The following TRIM51 variants were observed in gnomAD, a reference collection of about 807,000 sequenced individuals.
The protein encoded by TRIM51 is tripartite motif-containing protein 51.
TRIM51 carries 23 observed loss-of-function variants against 32.7 expected under a neutral mutation model. That is an observed-to-expected ratio of 0.70 (90% CI 0.51 to 1.00). The LOEUF (loss-of-function observed/expected upper bound fraction) is 1.00. TRIM51 is among the 50% of genes least tolerant of loss of function. TRIM51 has a pLI of 0.00. For synonymous variants in TRIM51, 177 were observed against 181.9 expected (o/e 0.97, Z 0.22); for missense variants, 592 against 539.2 (o/e 1.10, Z -0.97).
chr11:55,888,011 T>C (rs773142347), intron 3 of TRIM51, 21 bp from the exon 4 acceptor site: 1 of 1,494,762 alleles, frequency 6.7e-7, no homozygotes, highest in Non-Finnish European at 9.3e-7. Context: ...ACATTTCTAT[T>C]TTGACTAATT....
rs377428284 is a variant in TRIM51, at chr11:55,891,737, T to C, written c.*105T>C. 1 of 1,267,874 alleles carries C rather than the reference T, an allele frequency of 7.9e-7. No individual in the cohort carries two copies. Among genetic ancestry groups the C allele is most frequent in the South Asian group, 1.4e-5 (1 of 71,678 alleles). The allele number at this position is 1,267,874 out of a possible 1,614,324, so 78.5% of individuals were successfully genotyped here. A position where few individuals can be genotyped will look rare whatever the true frequency, so the allele number is the denominator to read the frequency against. On this transcript the variant is annotated 3_prime_UTR_variant, in exon 7 of 7. Coordinates refer to ENST00000449290, the MANE Select transcript of TRIM51 (RefSeq NM_032681.4). ...AACAGAACAAATAAGTTATATTTAA[T>C]GTCTTTAGTTGCATTCTAATGTCAT...
rs766486245 is a variant in TRIM51, at chr11:55,885,563, C to A, written c.135C>A (p.Asp45Glu). The A allele has an allele frequency of 9.9e-6, 16 of 1,611,852 alleles. No individual in the cohort carries two copies. The highest frequency in any genetic ancestry group is 6.8e-6 in the Non-Finnish European group (8 of 1,179,776). ...CCTGTTTGTACCTCAACTGGCAAGACACGGCAGTTCTTGCTCAGTGCTCTG... is the reference window on the plus strand; with the variant it reads ...CCTGTTTGTACCTCAACTGGCAAGAAACGGCAGTTCTTGCTCAGTGCTCTG... ...CRPCLYLNWQDTAVLAQCSEC... is the reference protein window; with the variant it reads ...CRPCLYLNWQETAVLAQCSEC... Residue 45 changes from aspartate (D) to glutamate (E), a missense_variant, in exon 2 of 7, where the codon GAC becomes GAA. Asp to Glu is a conservative substitution (Grantham distance 45). Coordinates refer to ENST00000449290, the MANE Select transcript of TRIM51 (RefSeq NM_032681.4).
Position 55,891,243 on chromosome 11 carries a change from A to G in TRIM51, c.970A>G (p.Lys324Glu), listed in dbSNP as rs769784902. 1 of 1,607,340 alleles carries G rather than the reference A, an allele frequency of 6.2e-7. No individual in the cohort carries two copies. The highest frequency in any genetic ancestry group is 8.5e-7 in the Non-Finnish European group (1 of 1,179,724). The change falls in exon 7 of 7, where the codon AAA becomes GAA. Residue 324 changes from lysine to glutamate, a missense_variant. Coordinates refer to ENST00000449290, the MANE Select transcript of TRIM51 (RefSeq NM_032681.4). ...DPQDDPDITG[K>E]SECFLVWGAQ... Reference sequence around the variant, plus strand: ...TCAAGATGATCCCGATATCACTGGAAAATCTGAATGTTTTCTTGTATGGGG... The same window carrying G: ...TCAAGATGATCCCGATATCACTGGAGAATCTGAATGTTTTCTTGTATGGGG...
intron 3 of TRIM51, 134 bp downstream of exon 3, chr11:55,886,352 A>C (rs1182782370): frequency 1.4e-6 from 1 of 715,420 alleles, no homozygotes; most frequent in Non-Finnish European, 2.4e-6. Flanking sequence ...TGAGAAAAAA[A>C]CACCCTAATT....
chr11:55,885,512 A>G lies in TRIM51; in HGVS notation c.84A>G (p.Ile28Met), dbSNP rs757602058. Reference sequence around the variant, plus strand: ...ACTACTTCCTAGACCCAGTCACCATAGACTGTGGGCACAGCTTTTGCCGGC... The same window carrying G: ...ACTACTTCCTAGACCCAGTCACCATGGACTGTGGGCACAGCTTTTGCCGGC... ...CMNYFLDPVT[I>M]DCGHSFCRPC... Residue 28 changes from isoleucine to methionine, a missense_variant, in exon 2 of 7, where the codon ATA becomes ATG. Ile to Met is a conservative substitution (Grantham distance 10). Coordinates refer to ENST00000449290, the MANE Select transcript of TRIM51 (RefSeq NM_032681.4). The G allele has an allele frequency of 7.7e-5, 124 of 1,611,946 alleles. 4 individuals carry two copies. The South Asian group carries it at 1.4e-3, about 18-fold the overall frequency.
intron 3 of TRIM51, among the ~76,000 whole-genome samples, chr11:55,887,709 A>G (rs1296799355): frequency 6.6e-6 from 1 of 152,168 alleles, no homozygotes; most frequent in Non-Finnish European, 1.5e-5. Flanking sequence ...ATGGTTTCTT[A>G]CCTAGTCAAT....
intron 6 of TRIM51, 67 bp downstream of exon 6, chr11:55,890,106 AT>A: frequency 9.2e-7 from 1 of 1,087,654 alleles, no homozygotes; most frequent in Non-Finnish European, 1.4e-6. Flanking sequence ...TGGGGGTAGT[AT>A]TTTACCCTTC....
At position 55,886,123 on chromosome 11, in the gene TRIM51, G is replaced by A. The variant is rs1289372542; in HGVS notation, c.412G>A (p.Glu138Lys). 2 of 1,612,888 alleles carry A rather than the reference G, an allele frequency of 1.2e-6. No homozygotes were observed. Among genetic ancestry groups the A allele is most frequent in the Non-Finnish European group, 1.7e-6 (2 of 1,179,362 alleles). ...PIEWAAEERR[E>K]ELLKKMQSLW... is the part of the protein sequence containing the mutation. ...GCTTCAATTCGTGGCTGTTTTGCAG[G>A]AGGAGCTCCTAAAAAAAATGCAGTC... Residue 138 changes from glutamate to lysine, a missense_variant and splice_region_variant, in exon 3 of 7, where the codon GAG (glutamate) becomes AAG (lysine). Coordinates refer to ENST00000449290, the MANE Select transcript of TRIM51 (RefSeq NM_032681.4).
chr11:55,885,759 C>T lies in TRIM51; in HGVS notation c.331C>T (p.Leu111Phe), dbSNP rs776212732. 1 of 1,611,794 alleles carries T rather than the reference C, an allele frequency of 6.2e-7. No homozygotes were observed. The highest frequency in any genetic ancestry group is 8.5e-7 in the Non-Finnish European group (1 of 1,179,720). The change falls in exon 2 of 7, where the codon CTC (leucine) becomes TTC (phenylalanine). Residue 111 changes from leucine (L) to phenylalanine (F), a missense_variant. Transcript: ENST00000449290. ...KMFCEVDKSL[L>F]CLPCSNSQEH... is the part of the protein sequence containing the mutation. ...GTTCTGTGAAGTGGACAAGAGCCTG[C>T]TCTGTTTGCCGTGCTCCAACTCTCA...
At position 55,891,745 on chromosome 11, in the gene TRIM51, G is replaced by T; in HGVS notation, c.*113G>T. The T allele has an allele frequency of 8.1e-7, 1 of 1,230,112 alleles. No homozygotes were observed. The highest frequency in any genetic ancestry group is 1.1e-6 in the Non-Finnish European group (1 of 879,170). The allele number at this position is 1,230,112 out of a possible 1,614,324, so 76.2% of individuals were successfully genotyped here. On this transcript the variant is annotated 3_prime_UTR_variant, in exon 7 of 7. Transcript: ENST00000449290. ...AAATAAGTTATATTTAATGTCTTTA[G>T]TTGCATTCTAATGTCATCAAAACTC... is the stretch of plus-strand genomic sequence containing the variant.
rs745722749 is a variant in TRIM51 at position 55,886,108 on chromosome 11, G to A, written c.412-15G>A. 29 of 1,609,266 alleles carry A rather than the reference G, an allele frequency of 1.8e-5. No homozygotes were observed. The highest frequency in any genetic ancestry group is 2.1e-5 in the Non-Finnish European group (25 of 1,176,482). On this transcript the variant is annotated splice_polypyrimidine_tract_variant and intron_variant, in intron 2 of 6. Coordinates refer to ENST00000449290, the MANE Select transcript of TRIM51 (RefSeq NM_032681.4). ...ATTGTCCTCACTTGTGCTTCAATTC[G>A]TGGCTGTTTTGCAGGAGGAGCTCCT...
At position 55,885,802 on chromosome 11, in the gene TRIM51, T is replaced by A; in HGVS notation, c.374T>A (p.Ile125Lys). 6.2e-7 allele frequency: 1 copy of A among 1,611,704 alleles called. No individual in the cohort carries two copies. ...AACTCTCAGGAGCACCGGAATCACA[T>A]ACACTGTCCCATTGAGTGGGCTGCT... The part of the protein sequence containing the change: ...CSNSQEHRNH[I>K]HCPIEWAAEE... Residue 125 changes from isoleucine to lysine, a missense_variant, in exon 2 of 7, where the codon ATA becomes AAA. Coordinates refer to ENST00000449290, the MANE Select transcript of TRIM51 (RefSeq NM_032681.4).
Position 55,886,218 on chromosome 11 carries a change from G to C in TRIM51, c.507G>C (p.Lys169Asn). 6.2e-7 allele frequency: 1 copy of C among 1,612,184 alleles called. No homozygotes were observed. ...AAACCACAAGAACCAGATGCTGGAA[G>C]GTTAGTACCGTATGACTCTACCTTC... ...NMETTRTRCWKDYVSLRIEAI... is the reference protein window; with the variant it reads ...NMETTRTRCWNDYVSLRIEAI... Residue 169 changes from lysine (K) to asparagine (N), a missense_variant and splice_region_variant, in exon 3 of 7, where the codon AAG becomes AAC. Lys to Asn is a moderately conservative substitution (Grantham distance 94). Transcript: ENST00000449290.
At chr11:55,887,909 TG>T in intron 3 of TRIM51, 122 bp from the exon 4 acceptor site, 1 of 755,092 alleles carries the variant, frequency 1.3e-6, no homozygotes, top group Non-Finnish European at 2.3e-6. Context: ...TAAAATTTTG[TG>T]GAATCTGAGA....
intron 1 of TRIM51, among the ~76,000 whole-genome samples, chr11:55,885,035 C>A (rs558525189): frequency 8.6e-5 from 13 of 152,042 alleles, no homozygotes; most frequent in African/African-American, 3.1e-4. Flanking sequence ...TTTTGTTACC[C>A]AATGTAGGTT....
chr11:55,884,894 T>C (rs937021983), intron 1 of TRIM51, among the ~76,000 whole-genome samples: 1 of 151,922 alleles, frequency 6.6e-6, no homozygotes, highest in Non-Finnish European at 1.5e-5. Context: ...CCTAGACTGG[T>C]TTAATTGCTG....
At position 55,891,438 on chromosome 11, in the gene TRIM51, T is replaced by A; in HGVS notation, c.1165T>A (p.Cys389Ser). The change falls in exon 7 of 7, where the codon TGC (cysteine) becomes AGC (serine). Residue 389 changes from cysteine (C) to serine (S), a missense_variant. Physicochemically the swap from Cys to Ser is moderately radical, Grantham distance 112. Transcript: ENST00000449290. ...TGGATGTGTTAAGGAGGACACTCAC[T>A]GCAGTCTCTTTACCACCTCCCCACT... ...LLGCVKEDTH[C>S]SLFTTSPLVV... 6.2e-7 allele frequency: 1 copy of A among 1,612,978 alleles called. No homozygotes were observed. The highest frequency in any genetic ancestry group is 8.5e-7 in the Non-Finnish European group (1 of 1,179,736).
intron 1 of TRIM51, among the ~76,000 whole-genome samples, chr11:55,884,335 C>T (rs867758357): frequency 5.2e-4 from 79 of 151,082 alleles, no homozygotes; most frequent in African/African-American, 1.2e-3. Flanking sequence ...GACTGTCTAA[C>T]GCGTCCCTCA....
intron 6 of TRIM51, among the ~76,000 whole-genome samples, chr11:55,890,812 G>A (rs189417674): frequency 0.012 from 1,809 of 152,106 alleles, 37 homozygotes; most frequent in African/African-American, 0.041. Flanking sequence ...TAATAATAAT[G>A]ACCTTGATAG....
Sources: allele counts gnomAD v4.1 joint callset (sites outside exome capture counted in the v4.1 genomes callset), GRCh38; gene constraint gnomAD v4.1.1; transcripts MANE v1.5; gene names NCBI Gene and HGNC (gene_info 2026-07-23, HGNC 2026-07-21).